KIAA1586: variants seen among roughly 807,000 people sequenced by gnomAD.
KIAA1586 encodes the protein E3 SUMO-protein ligase KIAA1586.
KIAA1586 carries 5 observed loss-of-function variants against 6.1 expected under a neutral mutation model. That is an observed-to-expected ratio of 0.82 (90% CI 0.43 to 1.73). The LOEUF (loss-of-function observed/expected upper bound fraction) is 1.73. Among genes scored for constraint, KIAA1586 ranks in the 40% most tolerant of loss-of-function variants. The pLI, the probability that KIAA1586 is intolerant of heterozygous loss-of-function variation, is 0.02. For missense variants in KIAA1586, 899 were observed against 878.2 expected (o/e 1.02, Z -0.30); for synonymous variants, 280 against 301.7 (o/e 0.93, Z 0.75).
rs1828449646 is a variant in KIAA1586, at chr6:57,054,559, C to T, written c.2060C>T (p.Pro687Leu). The T allele has an allele frequency of 6.2e-7, 1 of 1,606,910 alleles. No individual in the cohort carries two copies. The highest frequency in any genetic ancestry group is 2.2e-5 in the East Asian group (1 of 44,728). ...ATAAAATCAAACAATGTTTCAATTC[C>T]TACAACTATATACAAAGCTAAAAAG... ...NNIKSNNVSI[P>L]TTIYKAKKIV... The change falls in exon 4 of 4, where the codon CCT (proline) becomes CTT (leucine). Residue 687 changes from proline (P) to leucine (L), a missense_variant. Transcript: ENST00000370733.
chr6:57,054,927 G>GT lies in KIAA1586; in HGVS notation c.*65dup. On this transcript the variant is annotated 3_prime_UTR_variant, in exon 4 of 4. Coordinates refer to ENST00000370733, the MANE Select transcript of KIAA1586 (RefSeq NM_020931.4). ...CTACACATCCTTTATATACATAAAG[G>GT]TCTTTTTTTTTTTTGGAAAGCCAGT... 1.5e-6 allele frequency: 2 copies of GT among 1,378,734 alleles called. No homozygotes were observed. Among genetic ancestry groups the GT allele is most frequent in the East Asian group, 2.6e-5 (1 of 38,424 alleles). 85.4% of individuals were successfully genotyped at this position (1,378,734 alleles called of 1,614,324 possible).
the KIAA1586 span, among the ~76,000 whole-genome samples, chr6:57,064,423 T>C: frequency 6.6e-6 from 1 of 152,216 alleles, no homozygotes; most frequent in African/African-American, 2.4e-5. Context: ...TTCTCCTATA[T>C]AGAGGTGAAC....
chr6:57,053,658 T>G lies in KIAA1586; in HGVS notation c.1159T>G (p.Phe387Val). 1 of 1,612,058 alleles carries G rather than the reference T, an allele frequency of 6.2e-7. No individual in the cohort carries two copies. Among genetic ancestry groups the G allele is most frequent in the Non-Finnish European group, 8.5e-7 (1 of 1,178,580 alleles). Residue 387 changes from phenylalanine to valine, a missense_variant, in exon 4 of 4, where the codon TTT (phenylalanine) becomes GTT (valine). Coordinates refer to ENST00000370733, the MANE Select transcript of KIAA1586 (RefSeq NM_020931.4). Reference protein sequence around the residue: ...NEYLKANLIAFCSDGANTILG... With the variant: ...NEYLKANLIAVCSDGANTILG... ...ATATTTGAAAGCAAATTTAATTGCATTTTGTTCTGATGGTGCTAATACAAT... is the reference window on the plus strand; with the variant it reads ...ATATTTGAAAGCAAATTTAATTGCAGTTTGTTCTGATGGTGCTAATACAAT...
rs1383855701 is a variant in KIAA1586, at chr6:57,053,572, T to C, written c.1073T>C (p.Ile358Thr). 9 of 1,611,928 alleles carry C rather than the reference T, an allele frequency of 5.6e-6. No homozygotes were observed. Among genetic ancestry groups the C allele is most frequent in the East Asian group, 4.5e-5 (2 of 44,828 alleles). The change falls in exon 4 of 4, where the codon ATA (isoleucine) becomes ACA (threonine). Residue 358 changes from isoleucine (I) to threonine (T), a missense_variant. Physicochemically the swap from Ile to Thr is moderately conservative, Grantham distance 89. Transcript: ENST00000370733. The part of the protein sequence containing the change: ...FVALKELVST[I>T]AECIVNTLLT... ...GCTTTAAAAGAATTGGTGTCAACTA[T>C]AGCAGAGTGTATTGTCAATACATTA...
chr6:57,058,632 G>A (rs982105342), downstream of KIAA1586, among the ~76,000 whole-genome samples: 1 of 152,114 alleles, frequency 6.6e-6, no homozygotes, highest in Admixed American at 6.5e-5. Context: ...ATAGGAAAAA[G>A]CTTACTTGTG....
downstream of KIAA1586, among the ~76,000 whole-genome samples, chr6:57,055,912 A>T (rs1407450946): frequency 1.3e-5 from 2 of 152,234 alleles, no homozygotes; most frequent in Non-Finnish European, 2.9e-5. Context: ...TGCAAAATGA[A>T]TTGGGTAAAT....
intron 2 of KIAA1586, among the ~76,000 whole-genome samples, chr6:57,049,348 C>T (rs1024897337): frequency 6.6e-6 from 1 of 152,058 alleles, no homozygotes; most frequent in African/African-American, 2.4e-5. Context: ...TGCAATGCTG[C>T]TGGGTATAGT....
downstream of KIAA1586, among the ~76,000 whole-genome samples, chr6:57,057,298 A>G (rs1475219894): frequency 6.6e-6 from 1 of 152,190 alleles, no homozygotes; most frequent in Non-Finnish European, 1.5e-5. Context: ...AGGACCTAGC[A>G]ATATTAAAGA....
chr6:57,046,725 C>T lies in KIAA1586; in HGVS notation c.-31C>T, dbSNP rs368180111. 99 of 1,612,178 alleles carry T rather than the reference C, an allele frequency of 6.1e-5. No individual in the cohort carries two copies. The highest frequency in any genetic ancestry group is 8.1e-5 in the Non-Finnish European group (95 of 1,179,280). Reference sequence around the variant, plus strand: ...GCTGCGGCAGTAGGGACAGCAGGAGCAGTGGTGCTGTCAGCGCGGCCGTCG... The same window carrying T: ...GCTGCGGCAGTAGGGACAGCAGGAGTAGTGGTGCTGTCAGCGCGGCCGTCG... On this transcript the variant is annotated 5_prime_UTR_variant, in exon 1 of 4. Transcript: ENST00000370733.
In KIAA1586 at chr6:57,053,958, T is replaced by G; in HGVS notation, c.1459T>G (p.Cys487Gly). 3 of 1,586,224 alleles carry G rather than the reference T, an allele frequency of 1.9e-6. No individual in the cohort carries two copies. The highest frequency in any genetic ancestry group is 2.6e-6 in the Non-Finnish European group (3 of 1,170,362). The change falls in exon 4 of 4, where the codon TGT (cysteine) becomes GGT (glycine). Residue 487 changes from cysteine to glycine, a missense_variant. Physicochemically the swap from Cys to Gly is radical, Grantham distance 159. Coordinates refer to ENST00000370733, the MANE Select transcript of KIAA1586 (RefSeq NM_020931.4). ...AGTAATGGGACCAAGATGGGCGGCA[T>G]GTAGTTTACAAGCTGCTACTGCTGT... ...GRVMGPRWAA[C>G]SLQAATAVWH...
chr6:57,055,740 GAATC>G, downstream of KIAA1586, among the ~76,000 whole-genome samples: 1 of 152,228 alleles, frequency 6.6e-6, no homozygotes, highest in South Asian at 2.1e-4. Flanking sequence ...TACTGAAAAA[GAATC>G]AAGTGGCGAT....
chr6:57,060,802 GATTTATTT>G, the KIAA1586 span, among the ~76,000 whole-genome samples: 2 of 151,910 alleles, frequency 1.3e-5, no homozygotes, highest in Non-Finnish European at 2.9e-5. Flanking sequence ...CTGAAAATGT[GATTTATTT>G]ATTTATTTAT....
Position 57,053,423 on chromosome 6 carries a change from A to G in KIAA1586, c.924A>G (p.Ile308Met). The change falls in exon 4 of 4, where the codon ATA becomes ATG. Residue 308 changes from isoleucine (I) to methionine (M), a missense_variant. Ile to Met is a conservative substitution (Grantham distance 10). Transcript: ENST00000370733. ...EMKMKIFKNI[I>M]EENAKICIII... ...AGATGAAGATATTTAAGAATATTATAGAAGAGAATGCCAAAATCTGTATCA... is the reference window on the plus strand; with the variant it reads ...AGATGAAGATATTTAAGAATATTATGGAAGAGAATGCCAAAATCTGTATCA... The G allele has an allele frequency of 6.2e-7, 1 of 1,610,160 alleles. No homozygotes were observed. The highest frequency in any genetic ancestry group is 8.5e-7 in the Non-Finnish European group (1 of 1,178,024).
At position 57,054,711 on chromosome 6, in the gene KIAA1586, T is replaced by A. The variant is rs1828458418; in HGVS notation, c.2212T>A (p.Leu738Ile). 6.4e-7 allele frequency: 1 copy of A among 1,551,442 alleles called. No individual in the cohort carries two copies. Among genetic ancestry groups the A allele is most frequent in the African/African-American group, 1.4e-5 (1 of 72,988 alleles). Residue 738 changes from leucine to isoleucine, a missense_variant, in exon 4 of 4, where the codon TTA (leucine) becomes ATA (isoleucine). Coordinates refer to ENST00000370733, the MANE Select transcript of KIAA1586 (RefSeq NM_020931.4). Reference protein sequence around the residue: ...DHVSDLMTINLLGKELADWDA... With the variant: ...DHVSDLMTINILGKELADWDA... ...TGTATCAGATTTAATGACAATAAAT[T>A]TACTGGGGAAAGAATTAGCAGATTG...
chr6:57,046,698 C>T lies in KIAA1586; in HGVS notation c.-58C>T. The T allele has an allele frequency of 6.2e-7, 1 of 1,604,774 alleles. No homozygotes were observed. The highest frequency in any genetic ancestry group is 8.5e-7 in the Non-Finnish European group (1 of 1,175,990). On this transcript the variant is annotated 5_prime_UTR_variant, in exon 1 of 4. Transcript: ENST00000370733. ...TGCAGGGCGGGAAGGGGAGTGGTGG[C>T]GGCTGCGGCAGTAGGGACAGCAGGA...
downstream of KIAA1586, among the ~76,000 whole-genome samples, chr6:57,059,545 C>G (rs1036143655): frequency 6.8e-6 from 1 of 147,748 alleles, no homozygotes; most frequent in Non-Finnish European, 1.5e-5. Flanking sequence ...GAGCCGAGAT[C>G]GTGCCACTGC....
chr6:57,055,662 T>C (rs112421823), downstream of KIAA1586, among the ~76,000 whole-genome samples: 2 of 152,200 alleles, frequency 1.3e-5, no homozygotes, highest in Non-Finnish European at 2.9e-5. Context: ...CTTATTTTAA[T>C]CATGATTAAA....
At chr6:57,060,649 G>A in the KIAA1586 span, among the ~76,000 whole-genome samples, 2 of 152,156 alleles carry the variant, frequency 1.3e-5, no homozygotes, top group Non-Finnish European at 2.9e-5. Flanking sequence ...GCCTGGTTAT[G>A]AAAGGGCAAT....
chr6:57,054,768 A>G lies in KIAA1586; in HGVS notation c.2269A>G (p.Asn757Asp), dbSNP rs1263754093. The stretch of plus-strand genomic sequence containing the variant: ...AACACCGTTTGTAAAATCTTGGTCA[A>G]ATTGCAACCACAGGTTGGCTACAGA... Reference protein sequence around the residue: ...DATPFVKSWSNCNHRLATDTR... With the variant: ...DATPFVKSWSDCNHRLATDTR... The change falls in exon 4 of 4, where the codon AAT (asparagine) becomes GAT (aspartate). Residue 757 changes from asparagine to aspartate, a missense_variant. Asn to Asp is a conservative substitution (Grantham distance 23, BLOSUM62 1). Transcript: ENST00000370733. 6.4e-7 allele frequency: 1 copy of G among 1,551,412 alleles called. No individual in the cohort carries two copies. Among genetic ancestry groups the G allele is most frequent in the Non-Finnish European group, 8.7e-7 (1 of 1,146,804 alleles).
Sources: gnomAD v4.1 joint callset for allele counts (sites outside exome capture counted in the v4.1 genomes callset) on GRCh38, gnomAD v4.1.1 for gene constraint, MANE v1.5 for transcripts, NCBI Gene and HGNC (gene_info 2026-07-23, HGNC 2026-07-21) for gene names.